Variants in TMEM135 observed in about 807,000 individuals in gnomAD.
The protein encoded by TMEM135 is peroxisomal membrane protein 52.
A neutral mutation model predicts 60.3 loss-of-function variants in TMEM135; 30 were observed. The observed-to-expected ratio is 0.50, with a 90% CI of 0.37 to 0.68. The LOEUF (loss-of-function observed/expected upper bound fraction) is 0.68. TMEM135 is among the 30% of genes least tolerant of loss of function. The pLI is 0.00. For missense variants in TMEM135, 468 were observed against 548.8 expected (o/e 0.85, Z 1.47); for synonymous variants, 190 against 186.7 (o/e 1.02, Z -0.14).
At chr11:87,061,922 C>A (rs189614057) in intron 1 of TMEM135, among the ~76,000 whole-genome samples, 1 of 152,264 alleles carries the variant, frequency 6.6e-6, no homozygotes, top group African/African-American at 2.4e-5. Context: ...TCCATACTTG[C>A]GTTTAATCAA....
At chr11:87,097,392 A>G (rs549028887) in intron 4 of TMEM135, among the ~76,000 whole-genome samples, 1 of 152,312 alleles carries the variant, frequency 6.6e-6, no homozygotes, top group South Asian at 2.1e-4. Flanking sequence ...CCCAAACTCA[A>G]TATATCTTGC....
chr11:87,308,035 G>A (rs1348240854), intron 9 of TMEM135, among the ~76,000 whole-genome samples: 1 of 152,046 alleles, frequency 6.6e-6, no homozygotes, highest in Admixed American at 6.5e-5. Context: ...AGATTGCCCT[G>A]TTAATGTCTA....
At chr11:87,151,299 A>G (rs895331367) in intron 4 of TMEM135, among the ~76,000 whole-genome samples, 1 of 152,096 alleles carries the variant, frequency 6.6e-6, no homozygotes, top group Non-Finnish European at 1.5e-5. Flanking sequence ...GAATTTTTTT[A>G]CTAAAATTTA....
At chr11:87,096,892 G>A (rs1279703321) in intron 4 of TMEM135, among the ~76,000 whole-genome samples, 1 of 151,966 alleles carries the variant, frequency 6.6e-6, no homozygotes, top group South Asian at 2.1e-4. Flanking sequence ...TCAGGGCTTG[G>A]CACCCTAGGA....
intron 6 of TMEM135, among the ~76,000 whole-genome samples, chr11:87,287,197 T>A (rs1942182113): frequency 6.6e-6 from 1 of 152,104 alleles, no homozygotes; most frequent in Non-Finnish European, 1.5e-5. Context: ...ACAAATAGAG[T>A]AGCTCTTAAA....
At chr11:87,300,966 G>C (rs558947735) in intron 7 of TMEM135, among the ~76,000 whole-genome samples, 2 of 151,216 alleles carry the variant, frequency 1.3e-5, no homozygotes, top group South Asian at 2.1e-4. Context: ...TGTTCTATCT[G>C]TTCTGGCATA....
At chr11:87,135,062 A>G (rs995667952) in intron 4 of TMEM135, among the ~76,000 whole-genome samples, 1 of 152,154 alleles carries the variant, frequency 6.6e-6, no homozygotes, top group Non-Finnish European at 1.5e-5. Context: ...TTTCAAAACT[A>G]TTGCATATTT....
At chr11:87,158,989 T>C (rs541821373) in intron 5 of TMEM135, among the ~76,000 whole-genome samples, 4 of 152,306 alleles carry the variant, frequency 2.6e-5, no homozygotes, top group South Asian at 2.1e-4. Flanking sequence ...GTTGAACTTA[T>C]CTTCTTTTAT....
intron 6 of TMEM135, among the ~76,000 whole-genome samples, chr11:87,291,802 C>T (rs1425704228): frequency 1.3e-5 from 2 of 152,098 alleles, no homozygotes; most frequent in East Asian, 3.9e-4. Flanking sequence ...CTCAGCCTCC[C>T]AAAGTGCTGG....
At chr11:87,234,486 T>C (rs1291493450) in intron 5 of TMEM135, among the ~76,000 whole-genome samples, 1 of 152,042 alleles carries the variant, frequency 6.6e-6, no homozygotes, top group Admixed American at 6.6e-5. Flanking sequence ...TATTAGAGAT[T>C]TCAAAAGGGC....
intron 4 of TMEM135, 44 bp from the exon 5 acceptor site, chr11:87,157,297 T>C (rs766592571): frequency 4.6e-6 from 7 of 1,536,050 alleles, no homozygotes; most frequent in Non-Finnish European, 5.4e-6. Context: ...TGAGGAGAGA[T>C]TGTAGATCAT....
At chr11:87,179,972 C>T (rs1205780340) in intron 5 of TMEM135, among the ~76,000 whole-genome samples, 2 of 152,052 alleles carry the variant, frequency 1.3e-5, no homozygotes, top group Non-Finnish European at 2.9e-5. Context: ...CTGCCCTTTT[C>T]CCCTTTCTTT....
intron 4 of TMEM135, among the ~76,000 whole-genome samples, chr11:87,145,069 A>G (rs773302963): frequency 2.8e-4 from 42 of 152,172 alleles, no homozygotes; most frequent in Middle Eastern, 6.8e-3. Context: ...TAAAAGCCAT[A>G]TTTCTCTGGA....
At chr11:87,222,620 A>G (rs1223080817) in intron 5 of TMEM135, among the ~76,000 whole-genome samples, 2 of 151,040 alleles carry the variant, frequency 1.3e-5, no homozygotes, top group Non-Finnish European at 2.9e-5. Context: ...CCTGACTAAC[A>G]TAGTGAAACC....
At position 87,091,484 on chromosome 11, in the gene TMEM135, C is replaced by T. The variant is rs1484692412; in HGVS notation, c.396+89C>T. ...TCTTAAAAAAAGTAAAAGAGGAAAG[C>T]CACTTGTATTTGAGGATAATCTTCT... On this transcript the variant is annotated intron_variant, in intron 4 of 14. Coordinates refer to ENST00000305494, the MANE Select transcript of TMEM135 (RefSeq NM_022918.4). 2.3e-6 allele frequency: 3 copies of T among 1,283,526 alleles called. No homozygotes were observed. In the Admixed American group the frequency reaches 5.4e-5, roughly 23 times the overall value. The allele number at this position is 1,283,526 out of a possible 1,614,324, so 79.5% of individuals were successfully genotyped here. A position where few individuals can be genotyped will look rare whatever the true frequency, so the allele number is the denominator to read the frequency against.
chr11:87,285,028 TG>T (rs1295380548), intron 6 of TMEM135, among the ~76,000 whole-genome samples: 1 of 152,204 alleles, frequency 6.6e-6, no homozygotes, highest in East Asian at 1.9e-4. Flanking sequence ...TTTAACCTAT[TG>T]GAATATACTT....
At chr11:87,268,374 C>A (rs1941796414) in intron 6 of TMEM135, among the ~76,000 whole-genome samples, 1 of 151,902 alleles carries the variant, frequency 6.6e-6, no homozygotes, top group African/African-American at 2.4e-5. Flanking sequence ...CCTTGGCCTC[C>A]CAAAGTGTTG....
At chr11:87,045,091 G>A (rs1030600376) in intron 1 of TMEM135, among the ~76,000 whole-genome samples, 6 of 151,652 alleles carry the variant, frequency 4.0e-5, no homozygotes, top group South Asian at 2.1e-4. Context: ...GTGCGGTGGC[G>A]CGATCTAGGC....
At chr11:87,268,379 G>T (rs1941796583) in intron 6 of TMEM135, among the ~76,000 whole-genome samples, 3 of 151,750 alleles carry the variant, frequency 2.0e-5, no homozygotes, top group African/African-American at 7.3e-5. Context: ...GCCTCCCAAA[G>T]TGTTGGGATT....
Sources: gnomAD v4.1 joint callset for allele counts (sites outside exome capture counted in the v4.1 genomes callset) on GRCh38, gnomAD v4.1.1 for gene constraint, MANE v1.5 for transcripts, NCBI Gene and HGNC (gene_info 2026-07-23, HGNC 2026-07-21) for gene names.